The following TTC7B variants were observed in gnomAD, a reference collection of about 807,000 sequenced individuals.
TTC7B encodes tetratricopeptide repeat protein 7B.
A neutral mutation model predicts 106.8 loss-of-function variants in TTC7B; 28 were observed. The ratio of observed to expected loss-of-function variants is 0.26; its 90% confidence interval spans 0.19 to 0.36. The LOEUF is 0.36. TTC7B is among the 10% of genes least tolerant of loss of function. The pLI, the probability that TTC7B is intolerant of heterozygous loss-of-function variation, is 1.00. For missense variants in TTC7B, 862 were observed against 1,076.4 expected (o/e 0.80, Z 2.79); for synonymous variants, 405 against 430.6 (o/e 0.94, Z 0.74).
At chr14:90,627,990 A>G (rs1873413124) in intron 15 of TTC7B, among the ~76,000 whole-genome samples, 1 of 152,188 alleles carries the variant, frequency 6.6e-6, no homozygotes, top group Admixed American at 6.5e-5. Flanking sequence ...ATTATAATGA[A>G]GGGAGCCATT....
chr14:90,774,117 G>A (rs929100967), intron 3 of TTC7B, among the ~76,000 whole-genome samples: 3 of 152,164 alleles, frequency 2.0e-5, no homozygotes, highest in Admixed American at 1.3e-4. Flanking sequence ...ATGGTCACTG[G>A]ATCAAGGATG....
rs902453619 is a variant in TTC7B, at chr14:90,808,565, G to A, written c.121+7610C>T. Among the ~76,000 whole-genome samples, 1 of 152,186 alleles carries A rather than the reference G, an allele frequency of 6.6e-6. No individual in the cohort carries two copies. The highest frequency in any genetic ancestry group is 1.5e-5 in the Non-Finnish European group (1 of 68,042). Reference sequence around the variant, plus strand: ...CAGGGACAGACAAATCCCATGGGTGGAAGGGCTGCAGCCACTCCATTAGCT... The same window carrying A: ...CAGGGACAGACAAATCCCATGGGTGAAAGGGCTGCAGCCACTCCATTAGCT... On this transcript the variant is annotated intron_variant, in intron 1 of 19. Coordinates refer to ENST00000328459, the MANE Select transcript of TTC7B (RefSeq NM_001010854.2). This position sits in a 1 kb window ranked among gnomAD's most constrained non-coding sequence, Gnocchi z 4.2.
Position 90,541,595 on chromosome 14 carries a change from G to A in TTC7B, c.2311-6C>T. 2 of 1,564,646 alleles carry A rather than the reference G, an allele frequency of 1.3e-6. No homozygotes were observed. Among genetic ancestry groups the A allele is most frequent in the Non-Finnish European group, 8.7e-7 (1 of 1,148,528 alleles). ...AGCTGGTGAAGGATCAGGGCCTGGAGAGGTCAGAGAGAGAGAGAGACAGTC... is the reference window on the plus strand; with the variant it reads ...AGCTGGTGAAGGATCAGGGCCTGGAAAGGTCAGAGAGAGAGAGAGACAGTC... On this transcript the variant is annotated splice_polypyrimidine_tract_variant and splice_region_variant and intron_variant, in intron 19 of 19. Transcript: ENST00000328459.
chr14:90,551,089 C>G (rs1304575807), intron 19 of TTC7B, among the ~76,000 whole-genome samples: 1 of 152,162 alleles, frequency 6.6e-6, no homozygotes, highest in Non-Finnish European at 1.5e-5. Flanking sequence ...ACACTGCTCT[C>G]TAAGAAAATC....
chr14:90,710,467 G>A (rs1412041254), intron 5 of TTC7B, among the ~76,000 whole-genome samples: 1 of 152,232 alleles, frequency 6.6e-6, no homozygotes, highest in Non-Finnish European at 1.5e-5. Context: ...TAAGACAGCA[G>A]TAGGGTTTGA....
intron 18 of TTC7B, among the ~76,000 whole-genome samples, chr14:90,587,737 C>T (rs924411255): frequency 3.3e-5 from 5 of 152,196 alleles, no homozygotes; most frequent in East Asian, 1.9e-4. Context: ...TCCAGTGCCT[C>T]GCTCCACTGT....
chr14:90,541,805 A>ATT (rs1320078539), intron 19 of TTC7B, among the ~76,000 whole-genome samples: 2 of 152,248 alleles, frequency 1.3e-5, no homozygotes, highest in African/African-American at 4.8e-5. Context: ...ATATTCAGCC[A>ATT]TGTTTTGAAT....
intron 15 of TTC7B, among the ~76,000 whole-genome samples, chr14:90,632,673 T>C (rs1054355368): frequency 2.0e-5 from 3 of 152,204 alleles, no homozygotes; most frequent in African/African-American, 7.2e-5. Context: ...AGTCAGTTCG[T>C]GGTTACGAGC....
chr14:90,586,786 AC>A (rs886786429), intron 18 of TTC7B, among the ~76,000 whole-genome samples: 29 of 152,230 alleles, frequency 1.9e-4, no homozygotes, highest in African/African-American at 6.5e-4. Flanking sequence ...GTCCTCAGGC[AC>A]CCGACACTTC....
At chr14:90,726,945 G>A (rs1035170090) in intron 5 of TTC7B, among the ~76,000 whole-genome samples, 7 of 152,118 alleles carry the variant, frequency 4.6e-5, no homozygotes, top group African/African-American at 1.7e-4. Flanking sequence ...GGAGGTGGAG[G>A]AAGTTACCGG....
chr14:90,798,050 G>C (rs75067479), intron 1 of TTC7B, among the ~76,000 whole-genome samples: 2,040 of 152,294 alleles, frequency 0.013, 37 homozygotes, highest in African/African-American at 0.047. Context: ...AAATGTTAAT[G>C]CACGCAGAGG....
At chr14:90,736,856 C>T (rs555886416) in intron 4 of TTC7B, among the ~76,000 whole-genome samples, 1 of 139,066 alleles carries the variant, frequency 7.2e-6, no homozygotes, top group Admixed American at 7.7e-5. Flanking sequence ...CACCCCACTA[C>T]ACTCCAGCCT....
At chr14:90,569,251 A>G (rs1173735282) in intron 19 of TTC7B, among the ~76,000 whole-genome samples, 1 of 152,140 alleles carries the variant, frequency 6.6e-6, no homozygotes, top group Non-Finnish European at 1.5e-5. Context: ...GGTTTGGGGT[A>G]AGGGTGGAGG....
chr14:90,659,205 G>A (rs940248406), intron 9 of TTC7B, among the ~76,000 whole-genome samples: 3 of 148,074 alleles, frequency 2.0e-5, no homozygotes, highest in African/African-American at 7.6e-5. Flanking sequence ...GTGTATGCAC[G>A]AGTGTGATTG....
intron 9 of TTC7B, among the ~76,000 whole-genome samples, chr14:90,666,672 T>G (rs1401569310): frequency 6.6e-6 from 1 of 152,182 alleles, no homozygotes; most frequent in Non-Finnish European, 1.5e-5. Flanking sequence ...ATAAAGCAAA[T>G]GTATCCATGC....
intron 5 of TTC7B, among the ~76,000 whole-genome samples, chr14:90,725,704 T>C (rs1223067804): frequency 6.6e-6 from 1 of 152,148 alleles, no homozygotes; most frequent in Non-Finnish European, 1.5e-5. Flanking sequence ...TGATGTAACC[T>C]AGAAAATGGT....
intron 7 of TTC7B, among the ~76,000 whole-genome samples, chr14:90,688,813 T>TA (rs757979612): frequency 5.6e-4 from 85 of 151,196 alleles, no homozygotes; most frequent in Non-Finnish European, 8.7e-4. Context: ...AAATAAAAAA[T>TA]AAAAAAAATT....
chr14:90,766,260 G>GGT (rs34710496), intron 3 of TTC7B, among the ~76,000 whole-genome samples: 41,412 of 150,724 alleles, frequency 0.27, 9,329 homozygotes, highest in African/African-American at 0.63. Context: ...AAAATCAGAA[G>GGT]GCACACACAC....
chr14:90,812,882 G>C (rs1367218422), intron 1 of TTC7B, among the ~76,000 whole-genome samples: 2 of 152,028 alleles, frequency 1.3e-5, no homozygotes. Context: ...AGTACACTCT[G>C]AAAGTGTCCA....
Sources: allele counts gnomAD v4.1 joint callset (sites outside exome capture counted in the v4.1 genomes callset), GRCh38; gene constraint gnomAD v4.1.1; non-coding constraint Gnocchi (gnomAD v3.1); transcripts MANE v1.5; gene names NCBI Gene and HGNC (gene_info 2026-07-23, HGNC 2026-07-21).